Variants in MARCHF1 observed in about 807,000 individuals in gnomAD.
MARCHF1 encodes membrane associated ring-CH-type finger 1.
A neutral mutation model predicts 54.2 loss-of-function variants in MARCHF1; 40 were observed. The ratio of observed to expected loss-of-function variants is 0.74; its 90% CI spans 0.57 to 0.96. MARCHF1 has a LOEUF of 0.96. Ranked by LOEUF, MARCHF1 falls within the 40% of genes least tolerant of loss-of-function variation. MARCHF1 has a pLI of 0.00. For missense variants in MARCHF1, 586 were observed against 656.5 expected (o/e 0.89, Z 1.17); for synonymous variants, 236 against 236.3 (o/e 1.00, Z 0.01).
chr4:163,529,068 A>ATGT, intron 9 of MARCHF1, 22 bp from the exon 10 acceptor site: 2 of 1,570,882 alleles, frequency 1.3e-6, no homozygotes, highest in East Asian at 2.3e-5. Context: ...AAAAGAGAAA[A>ATGT]TGTTATCACC....
At chr4:163,556,002 A>AAAAATACCC (rs1560939777) in intron 8 of MARCHF1, 7 of 456,010 alleles carry the variant, frequency 1.5e-5, no homozygotes, top group South Asian at 1.1e-4. Context: ...AAAAGCTTTT[A>AAAAATACCC]AAAATACCCA....
chr4:164,248,809 CT>C (rs1174242707), intron 1 of MARCHF1, among the ~76,000 whole-genome samples: 3 of 151,792 alleles, frequency 2.0e-5, no homozygotes, highest in African/African-American at 7.3e-5. Context: ...GTATTTCTTC[CT>C]ATAATCAGAA....
chr4:163,869,701 G>C (rs1297167362), intron 3 of MARCHF1, among the ~76,000 whole-genome samples: 3 of 151,976 alleles, frequency 2.0e-5, no homozygotes, highest in Non-Finnish European at 4.4e-5. Flanking sequence ...AGACTAGAAA[G>C]CACTAAGGCA....
At chr4:164,280,974 G>A (rs1487306601) in intron 1 of MARCHF1, among the ~76,000 whole-genome samples, 1 of 152,036 alleles carries the variant, frequency 6.6e-6, no homozygotes, top group Non-Finnish European at 1.5e-5. Context: ...AATGAAGAGA[G>A]GACTGAATGG....
chr4:164,148,810 C>CA (rs70952603), intron 1 of MARCHF1, among the ~76,000 whole-genome samples: 127,493 of 152,022 alleles, frequency 0.84, 53,979 homozygotes, highest in Non-Finnish European at 0.89. Context: ...ATTCTGCCTT[C>CA]AACCACCCAT....
intron 5 of MARCHF1, among the ~76,000 whole-genome samples, chr4:163,618,875 G>A (rs1005790725): frequency 4.6e-5 from 7 of 152,120 alleles, no homozygotes; most frequent in African/African-American, 1.7e-4. Context: ...CCAATAGTGG[G>A]GTTCTGATGA....
At chr4:163,687,294 C>G (rs1744299610) in intron 5 of MARCHF1, among the ~76,000 whole-genome samples, 1 of 150,742 alleles carries the variant, frequency 6.6e-6, no homozygotes. Context: ...GTGGCGCTAT[C>G]TCGGCTCACT....
At chr4:164,264,582 A>C (rs895419462) in intron 1 of MARCHF1, among the ~76,000 whole-genome samples, 1 of 152,150 alleles carries the variant, frequency 6.6e-6, no homozygotes, top group African/African-American at 2.4e-5. Flanking sequence ...ACTGATGAGG[A>C]AACTGAGGCA....
intron 3 of MARCHF1, among the ~76,000 whole-genome samples, chr4:163,894,692 T>C (rs1207427493): frequency 2.1e-5 from 1 of 48,672 alleles, no homozygotes; most frequent in African/African-American, 8.4e-5. Flanking sequence ...ATGTGATGCA[T>C]ATATATATGC....
intron 5 of MARCHF1, among the ~76,000 whole-genome samples, chr4:163,627,140 A>G (rs553442313): frequency 1.1e-4 from 16 of 152,156 alleles, no homozygotes; most frequent in Non-Finnish European, 2.2e-4. Flanking sequence ...TAATTATACT[A>G]TTATCTCATT....
At chr4:163,860,981 G>A (rs1444109730) in intron 3 of MARCHF1, among the ~76,000 whole-genome samples, 1 of 152,022 alleles carries the variant, frequency 6.6e-6, no homozygotes, top group Non-Finnish European at 1.5e-5. Flanking sequence ...AAAAAGCACT[G>A]GAACCAAATC....
intron 2 of MARCHF1, among the ~76,000 whole-genome samples, chr4:164,090,882 A>G (rs1755283233): frequency 1.3e-5 from 2 of 152,184 alleles, no homozygotes; most frequent in Non-Finnish European, 2.9e-5. Flanking sequence ...ACCAGAACTA[A>G]GGGCAGAGAG....
chr4:163,629,537 A>G (rs1183468146), intron 5 of MARCHF1, among the ~76,000 whole-genome samples: 5 of 152,232 alleles, frequency 3.3e-5, no homozygotes, highest in South Asian at 2.1e-4. Context: ...CAATGGTAAC[A>G]CAAGCGAAAA....
At chr4:163,921,616 T>TC (rs1429555142) in intron 3 of MARCHF1, among the ~76,000 whole-genome samples, 5 of 139,554 alleles carry the variant, frequency 3.6e-5, no homozygotes, top group African/African-American at 1.5e-4. Flanking sequence ...GTTGGTTATA[T>TC]ATTTTTTTCT....
intron 5 of MARCHF1, among the ~76,000 whole-genome samples, chr4:163,677,452 G>C (rs115157328): frequency 6.6e-6 from 1 of 152,272 alleles, no homozygotes; most frequent in African/African-American, 2.4e-5. Context: ...GAATCTTGGA[G>C]TGTACTGAGT....
At chr4:164,042,081 CTTTATT>C (rs1338211171) in intron 2 of MARCHF1, among the ~76,000 whole-genome samples, 1 of 152,088 alleles carries the variant, frequency 6.6e-6, no homozygotes, top group Non-Finnish European at 1.5e-5. Context: ...ATTTACTTCT[CTTTATT>C]AATATTATTT....
At chr4:163,729,220 A>G (rs1745756832) in intron 4 of MARCHF1, among the ~76,000 whole-genome samples, 1 of 152,146 alleles carries the variant, frequency 6.6e-6, no homozygotes, top group Admixed American at 6.5e-5. Flanking sequence ...GGAAACAAAA[A>G]AAGAAAATGC....
chr4:164,294,247 C>T (rs1734357467), intron 1 of MARCHF1, among the ~76,000 whole-genome samples: 1 of 152,198 alleles, frequency 6.6e-6, no homozygotes, highest in Non-Finnish European at 1.5e-5. Context: ...TGCTCCTCAG[C>T]TTGCAGACAG....
chr4:164,330,437 T>C (rs1735405585), intron 1 of MARCHF1, among the ~76,000 whole-genome samples: 2 of 152,178 alleles, frequency 1.3e-5, no homozygotes, highest in Admixed American at 1.3e-4. Flanking sequence ...GCCAAGAGCC[T>C]GGTGCACACA....
Sources: allele counts gnomAD v4.1 joint callset (sites outside exome capture counted in the v4.1 genomes callset), GRCh38; gene constraint gnomAD v4.1.1; transcripts MANE v1.5; gene names NCBI Gene and HGNC (gene_info 2026-07-23, HGNC 2026-07-21).